EPHB1: variants seen among roughly 807,000 people sequenced by gnomAD.
EPHB1 encodes EPH receptor B1.
In EPHB1, 30 loss-of-function variants were observed where a neutral mutation model predicts 94.4. The observed-to-expected ratio is 0.32, with a 90% CI of 0.24 to 0.43. EPHB1 has a LOEUF of 0.43. Among genes scored for constraint, EPHB1 ranks in the 20% least tolerant of loss-of-function variants. The pLI is 1.00. For missense variants in EPHB1, 1,055 were observed against 1,308.3 expected (o/e 0.81, Z 2.99); for synonymous variants, 522 against 489.1 (o/e 1.07, Z -0.89).
At chr3:135,106,034 T>G (rs949534163) in intron 3 of EPHB1, among the ~76,000 whole-genome samples, 1 of 152,166 alleles carries the variant, frequency 6.6e-6, no homozygotes, top group African/African-American at 2.4e-5. Context: ...CCTTTCTAAC[T>G]GAGGCCATAG....
intron 3 of EPHB1, among the ~76,000 whole-genome samples, chr3:135,095,418 G>A (rs1938721552): frequency 6.6e-6 from 1 of 152,086 alleles, no homozygotes; most frequent in African/African-American, 2.4e-5. Flanking sequence ...ACTTCTCTCT[G>A]TTCCCACTAC....
At chr3:135,231,953 T>C (rs538946575) in intron 12 of EPHB1, among the ~76,000 whole-genome samples, 1 of 152,270 alleles carries the variant, frequency 6.6e-6, no homozygotes, top group East Asian at 1.9e-4. Flanking sequence ...TGGAAAGAAA[T>C]AAGCAGCAGG....
intron 1 of EPHB1, among the ~76,000 whole-genome samples, chr3:134,880,889 C>T (rs1316705025): frequency 7.2e-5 from 11 of 152,204 alleles, no homozygotes; most frequent in African/African-American, 2.7e-4. Flanking sequence ...GGAATATTAT[C>T]GCTTTATCTG....
chr3:135,126,935 A>C (rs1261818089), intron 4 of EPHB1, among the ~76,000 whole-genome samples: 1 of 152,230 alleles, frequency 6.6e-6, no homozygotes, highest in East Asian at 1.9e-4. Context: ...AGTCTTAATT[A>C]CATGAGCAGG....
At chr3:134,908,360 G>T (rs1030184904) in intron 1 of EPHB1, among the ~76,000 whole-genome samples, 1 of 152,206 alleles carries the variant, frequency 6.6e-6, no homozygotes, top group African/African-American at 2.4e-5. Context: ...CCTCTCCATA[G>T]GCTGTCTTGG....
chr3:134,983,330 G>T (rs139142919), intron 3 of EPHB1, among the ~76,000 whole-genome samples: 1 of 152,226 alleles, frequency 6.6e-6, no homozygotes, highest in African/African-American at 2.4e-5. Context: ...AATTGCATTT[G>T]CTATTTAGCA....
At chr3:135,111,378 T>C (rs1939435801) in intron 4 of EPHB1, among the ~76,000 whole-genome samples, 1 of 152,146 alleles carries the variant, frequency 6.6e-6, no homozygotes, top group Non-Finnish European at 1.5e-5. Context: ...TTTGGAAACA[T>C]TGCTTTAGAG....
chr3:134,990,539 C>T (rs1934757914), intron 3 of EPHB1, among the ~76,000 whole-genome samples: 1 of 152,136 alleles, frequency 6.6e-6, no homozygotes, highest in African/African-American at 2.4e-5. Flanking sequence ...TAAACTCTAT[C>T]AATTATTTAG....
chr3:135,137,566 G>T (rs1940666533), intron 5 of EPHB1, among the ~76,000 whole-genome samples: 1 of 152,146 alleles, frequency 6.6e-6, no homozygotes, highest in South Asian at 2.1e-4. Flanking sequence ...GCAGAGTGCT[G>T]TGGGGTATTC....
intron 1 of EPHB1, among the ~76,000 whole-genome samples, chr3:134,845,538 C>A (rs1365263301): frequency 6.6e-6 from 1 of 152,132 alleles, no homozygotes; most frequent in East Asian, 1.9e-4. Context: ...AGAAGAGTGA[C>A]ATTTGGCAGA....
At chr3:134,937,722 G>T (rs1296578066) in intron 2 of EPHB1, among the ~76,000 whole-genome samples, 6 of 152,182 alleles carry the variant, frequency 3.9e-5, no homozygotes, top group Admixed American at 3.9e-4. Flanking sequence ...GGGCTTAGCA[G>T]TATCAAGCAG....
chr3:135,097,679 C>T (rs1016455186), intron 3 of EPHB1, among the ~76,000 whole-genome samples: 23 of 152,232 alleles, frequency 1.5e-4, no homozygotes, highest in African/African-American at 5.5e-4. Flanking sequence ...TCATCAACTT[C>T]AGCAAGTGTC....
chr3:135,135,386 T>G (rs894515323), intron 5 of EPHB1, among the ~76,000 whole-genome samples: 2 of 152,244 alleles, frequency 1.3e-5, no homozygotes, highest in African/African-American at 4.8e-5. Flanking sequence ...GATAGTATTT[T>G]TTTAAAGATG....
chr3:135,027,076 CT>C, intron 3 of EPHB1, among the ~76,000 whole-genome samples: 1 of 145,720 alleles, frequency 6.9e-6, no homozygotes, highest in East Asian at 2.0e-4. Flanking sequence ...TATCCTGAGA[CT>C]TTGCTGAAGT....
chr3:135,041,541 G>A (rs1936843687), intron 3 of EPHB1, among the ~76,000 whole-genome samples: 1 of 152,242 alleles, frequency 6.6e-6, no homozygotes, highest in East Asian at 1.9e-4. Flanking sequence ...GGAAGGTCCA[G>A]ACTGCTGAGT....
At chr3:134,987,410 C>T (rs1188559176) in intron 3 of EPHB1, among the ~76,000 whole-genome samples, 1 of 152,036 alleles carries the variant, frequency 6.6e-6, no homozygotes. Flanking sequence ...GGACTTTAAT[C>T]CAGTGTCTTT....
intron 1 of EPHB1, among the ~76,000 whole-genome samples, chr3:134,882,998 A>G (rs1288260351): frequency 1.3e-5 from 2 of 151,502 alleles, no homozygotes; most frequent in African/African-American, 4.9e-5. Context: ...AATTTTTTGT[A>G]TTTTTACTAG....
At chr3:134,857,232 G>T (rs2037141928) in intron 1 of EPHB1, among the ~76,000 whole-genome samples, 1 of 152,106 alleles carries the variant, frequency 6.6e-6, no homozygotes, top group African/African-American at 2.4e-5. Context: ...TTTGTGCTCA[G>T]CCCCTGTCTG....
intron 1 of EPHB1, among the ~76,000 whole-genome samples, chr3:134,815,900 A>T (rs1381889105): frequency 6.6e-6 from 1 of 152,158 alleles, no homozygotes; most frequent in Non-Finnish European, 1.5e-5. Context: ...TAGTTTCAAC[A>T]GTTGTTGTTA....
Sources: allele counts gnomAD v4.1 joint callset (sites outside exome capture counted in the v4.1 genomes callset), GRCh38; gene constraint gnomAD v4.1.1; transcripts MANE v1.5; gene names NCBI Gene and HGNC (gene_info 2026-07-23, HGNC 2026-07-21).